The following ELP2 variants were observed in gnomAD, a reference collection of about 807,000 sequenced individuals.
The protein encoded by ELP2 is elongator complex protein 2.
Under a neutral mutation model 119.2 loss-of-function variants are expected in ELP2, and 90 were observed. The observed-to-expected ratio is 0.75, with a 90% CI of 0.64 to 0.90. ELP2 has a LOEUF of 0.90. Ranked by LOEUF, ELP2 falls within the 40% of genes least tolerant of loss-of-function variation. The pLI, the probability that ELP2 is intolerant of heterozygous loss-of-function variation, is 0.00. For synonymous variants in ELP2, 339 were observed against 331.0 expected, an observed-to-expected ratio of 1.02 and a Z score of -0.26; for missense variants, 921 against 967.8, an observed-to-expected ratio of 0.95 and a Z score of 0.64.
chr18:36,132,426 A>G (rs2089668279), intron 1 of ELP2, among the ~76,000 whole-genome samples: 1 of 152,182 alleles, frequency 6.6e-6, no homozygotes, highest in African/African-American at 2.4e-5. Flanking sequence ...CTATATGTGA[A>G]ATATATTAGT....
At chr18:36,136,668 T>G (rs1049240499) in intron 3 of ELP2, 15 of 338,452 alleles carry the variant, frequency 4.4e-5, no homozygotes, top group Non-Finnish European at 5.5e-6. Flanking sequence ...TATGTTGTTC[T>G]TTTATGAAGT....
In ELP2 at chr18:36,179,647, C is replaced by G. The variant is rs1237507046; in HGVS notation, c.*5006C>G. ...CTGCAGCAAGGTGCCTGCTGACTGT[C>G]CCCAGACTGTCTCCCGACACAGAGG... On this transcript the variant is annotated 3_prime_UTR_variant, in exon 22 of 22. Coordinates refer to ENST00000358232, the MANE Select transcript of ELP2 (RefSeq NM_018255.4). 2 of 152,226 alleles carry G rather than the reference C, an allele frequency of 1.3e-5. No homozygotes were observed. The highest frequency in any genetic ancestry group is 2.9e-5 in the Non-Finnish European group (2 of 68,058). 9.4% of individuals were successfully genotyped at this position (152,226 alleles called of 1,614,324 possible).
At chr18:36,148,382 A>G (rs989903432) in intron 11 of ELP2, among the ~76,000 whole-genome samples, 11 of 152,264 alleles carry the variant, frequency 7.2e-5, no homozygotes, top group African/African-American at 2.4e-4. Flanking sequence ...GGTCGGGTTT[A>G]AGACACACAG....
chr18:36,163,813 T>G (rs950653553), intron 17 of ELP2, among the ~76,000 whole-genome samples: 4 of 152,224 alleles, frequency 2.6e-5, no homozygotes, highest in African/African-American at 9.6e-5. Context: ...TTTGATATGA[T>G]GCCAGTACCA....
intron 5 of ELP2, 110 bp downstream of exon 5, chr18:36,138,982 T>C (rs2089928664): frequency 1.2e-6 from 1 of 845,858 alleles, no homozygotes; most frequent in East Asian, 2.4e-5. Context: ...TGAATGTTTC[T>C]ATGAAACAAG....
chr18:36,137,799 TC>T (rs2089879602), intron 3 of ELP2, among the ~76,000 whole-genome samples: 1 of 71,726 alleles, frequency 1.4e-5, no homozygotes. Flanking sequence ...ACTCATATTA[TC>T]ACCAAAAAAA....
chr18:36,174,472 A>C lies in ELP2; in HGVS notation c.2325-13A>C. ...TGGAAAAACATTTCATGATTTCTCT[A>C]TCTTTGTTTTAGCCAAAGTCATACA... On this transcript the variant is annotated splice_polypyrimidine_tract_variant and intron_variant, in intron 21 of 21. Coordinates refer to ENST00000358232, the MANE Select transcript of ELP2 (RefSeq NM_018255.4). 1 of 1,612,920 alleles carries C rather than the reference A, an allele frequency of 6.2e-7. No individual in the cohort carries two copies. The highest frequency in any genetic ancestry group is 8.5e-7 in the Non-Finnish European group (1 of 1,179,188).
chr18:36,133,825 G>A (rs180885251), intron 2 of ELP2, among the ~76,000 whole-genome samples: 78 of 149,720 alleles, frequency 5.2e-4, no homozygotes, highest in Admixed American at 4.9e-3. Flanking sequence ...GGAATGCAGC[G>A]GCTCCATCAG....
intron 18 of ELP2, 94 bp from the exon 19 acceptor site, chr18:36,167,007 T>A: frequency 7.7e-7 from 1 of 1,298,870 alleles, no homozygotes; most frequent in Non-Finnish European, 1.0e-6. Context: ...GAATATTAAG[T>A]CATATGGTGT....
intron 2 of ELP2, among the ~76,000 whole-genome samples, chr18:36,134,462 G>GT (rs1300858623): frequency 6.6e-6 from 1 of 152,100 alleles, no homozygotes; most frequent in Non-Finnish European, 1.5e-5. Context: ...CTTTCATTAA[G>GT]TTTTTGTTTT....
intron 5 of ELP2, among the ~76,000 whole-genome samples, chr18:36,140,715 A>G (rs1028685352): frequency 5.3e-5 from 8 of 152,198 alleles, no homozygotes; most frequent in African/African-American, 1.9e-4. Context: ...AAGTCCTCAA[A>G]TTAACAAACA....
intron 17 of ELP2, among the ~76,000 whole-genome samples, chr18:36,162,736 T>G (rs1205339904): frequency 1.3e-5 from 2 of 152,232 alleles, no homozygotes; most frequent in Non-Finnish European, 2.9e-5. Flanking sequence ...ATCAGTCTTT[T>G]TAACTTTAAC....
chr18:36,136,191 A>G (rs2089817850), intron 2 of ELP2, 116 bp from the exon 3 acceptor site: 1 of 744,038 alleles, frequency 1.3e-6, no homozygotes, highest in Non-Finnish European at 2.4e-6. Flanking sequence ...AAATGTTACC[A>G]GTTTGTGAAT....
rs199597655 is a variant in ELP2 at position 36,159,404 on chromosome 18, C to T, written c.1535-331C>T. Among the ~76,000 whole-genome samples, 8 of 152,246 alleles carry T rather than the reference C, an allele frequency of 5.3e-5. No homozygotes were observed. In the East Asian group the frequency reaches 7.7e-4, roughly 15 times the overall value. On this transcript the variant is annotated intron_variant, in intron 14 of 21. Transcript: ENST00000358232. ...CTGTTATTACAGGTGTGAGCCACCA[C>T]GCCCTGCCACAAAGTATGTGTTTTG... is the stretch of plus-strand genomic sequence containing the variant.
chr18:36,132,410 A>G (rs556318037), intron 1 of ELP2, among the ~76,000 whole-genome samples: 1 of 152,298 alleles, frequency 6.6e-6, no homozygotes, highest in African/African-American at 2.4e-5. Context: ...TCCAGCCTCA[A>G]ATAACCTATA....
At position 36,158,579 on chromosome 18, in the gene ELP2, C is replaced by G. The variant is rs575636710; in HGVS notation, c.1465-256C>G. 22 of 390,974 alleles carry G rather than the reference C, an allele frequency of 5.6e-5. No individual in the cohort carries two copies. In the South Asian group the frequency reaches 5.8e-4, roughly 10 times the overall value. 24.2% of individuals were successfully genotyped at this position (390,974 alleles called of 1,614,324 possible). ...AGGTCCCTTTATGGATGAGAGGATG[C>G]CCGACTTTATGGATTGCATGGGAGT... On this transcript the variant is annotated intron_variant, in intron 13 of 21. Transcript: ENST00000358232.
intron 3 of ELP2, 171 bp downstream of exon 3, chr18:36,136,548 C>T: frequency 1.6e-6 from 1 of 639,066 alleles, no homozygotes; most frequent in Admixed American, 2.7e-5. Context: ...TGGCTGATTT[C>T]TGTTTGTTTG....
rs766384110 is a variant in ELP2, at chr18:36,138,364, C to T, written c.383C>T (p.Thr128Ile). The change falls in exon 4 of 22, where the codon ACA becomes ATA. Residue 128 changes from threonine to isoleucine, a missense_variant. Thr to Ile is a moderately conservative substitution (Grantham distance 89, BLOSUM62 -1). Coordinates refer to ENST00000358232, the MANE Select transcript of ELP2 (RefSeq NM_018255.4). ...AGGACATCAGATCCTGCATTATGTA[C>T]ACTGATCGTTTCTGCAGCTGCAGAT... ...QRRTSDPALC[T>I]LIVSAAADSA... 3.7e-6 allele frequency: 6 copies of T among 1,614,098 alleles called. No homozygotes were observed. The highest frequency in any genetic ancestry group is 5.1e-6 in the Non-Finnish European group (6 of 1,179,998).
intron 4 of ELP2, 173 bp from the exon 5 acceptor site, chr18:36,138,622 C>A: frequency 1.2e-6 from 1 of 865,876 alleles, no homozygotes; most frequent in Non-Finnish European, 1.8e-6. Context: ...ATTTTGCTGT[C>A]TGTAACATCA....
Sources: gnomAD v4.1 joint callset for allele counts (sites outside exome capture counted in the v4.1 genomes callset) on GRCh38, gnomAD v4.1.1 for gene constraint, MANE v1.5 for transcripts, NCBI Gene and HGNC (gene_info 2026-07-23, HGNC 2026-07-21) for gene names.